The following GALNTL6 variants were observed in gnomAD, a reference collection of about 807,000 sequenced individuals.
The protein encoded by GALNTL6 is polypeptide N-acetylgalactosaminyltransferase-like 6.
Under a neutral mutation model 73.7 loss-of-function variants are expected in GALNTL6, and 46 were observed. The observed-to-expected ratio is 0.62, with a 90% CI of 0.49 to 0.80. The LOEUF (loss-of-function observed/expected upper bound fraction) is 0.80, where lower values mean the gene tolerates loss of function less well. Among genes scored for constraint, GALNTL6 ranks in the 30% least tolerant of loss-of-function variants. The pLI is 0.00. For missense variants in GALNTL6, 604 were observed against 755.0 expected (o/e 0.80, Z 2.34); for synonymous variants, 259 against 263.7 (o/e 0.98, Z 0.17).
intron 2 of GALNTL6, among the ~76,000 whole-genome samples, chr4:172,178,654 T>TAATCCAGTC (rs1463504945): frequency 3.8e-5 from 2 of 52,832 alleles, no homozygotes; most frequent in Non-Finnish European, 4.2e-5. Context: ...CACATTTTCT[T>TAATCCAGTC]TTTTTTTTTT....
At chr4:172,128,674 T>C (rs1733371461) in intron 2 of GALNTL6, among the ~76,000 whole-genome samples, 1 of 152,320 alleles carries the variant, frequency 6.6e-6, no homozygotes, top group South Asian at 2.1e-4. Context: ...TTCTAAATAT[T>C]TACACTTTAG....
At chr4:172,076,111 A>G (rs1579113757) in intron 2 of GALNTL6, among the ~76,000 whole-genome samples, 1 of 152,294 alleles carries the variant, frequency 6.6e-6, no homozygotes, top group East Asian at 1.9e-4. Flanking sequence ...TTCCTCTAAT[A>G]GCACCACCAT....
At chr4:172,966,375 A>C (rs1227391240) in intron 10 of GALNTL6, among the ~76,000 whole-genome samples, 4 of 151,894 alleles carry the variant, frequency 2.6e-5, no homozygotes, top group Non-Finnish European at 5.9e-5. Context: ...CCTGGGATGA[A>C]ATTTTTTAAA....
intron 2 of GALNTL6, among the ~76,000 whole-genome samples, chr4:172,009,839 A>G (rs1024754157): frequency 1.3e-5 from 2 of 152,062 alleles, no homozygotes; most frequent in Non-Finnish European, 2.9e-5. Flanking sequence ...CAGGTGTTTC[A>G]CTATTAGGGA....
In GALNTL6 at chr4:171,816,174, G is replaced by C. The variant is rs561321461; in HGVS notation, c.138+1456G>C. On this transcript the variant is annotated intron_variant, in intron 2 of 12. Coordinates refer to ENST00000506823, the MANE Select transcript of GALNTL6 (RefSeq NM_001034845.3). ...TTATGTAAAATCTCCACTCCATGCTGGTAAAACAGGAAAGGCAAAATTATT... is the reference window on the plus strand; with the variant it reads ...TTATGTAAAATCTCCACTCCATGCTCGTAAAACAGGAAAGGCAAAATTATT... The C allele has an allele frequency of 2.6e-5, 4 of 152,016 alleles. No individual in the cohort carries two copies. The East Asian group carries it at 7.7e-4, about 29-fold the overall frequency. 9.4% of individuals were successfully genotyped at this position (152,016 alleles called of 1,614,324 possible). A position where few individuals can be genotyped will look rare whatever the true frequency, so the allele number is the denominator to read the frequency against.
At position 172,567,973 on chromosome 4, in the gene GALNTL6, C is replaced by T. The variant is rs554217765; in HGVS notation, c.553+219284C>T. ...ATATCTTATTACAAAATTATTTAAA[C>T]ATTTCCTTAGTTGATATAGATAACT... On this transcript the variant is annotated intron_variant, in intron 5 of 12. Coordinates refer to ENST00000506823, the MANE Select transcript of GALNTL6 (RefSeq NM_001034845.3). 1.5e-3 allele frequency among the ~76,000 whole-genome samples: 229 copies of T among 152,284 alleles called. 1 individual carries two copies. The highest frequency in any genetic ancestry group is 5.2e-3 in the African/African-American group (217 of 41,564).
chr4:172,740,565 A>T (rs1736737599), intron 5 of GALNTL6, among the ~76,000 whole-genome samples: 2 of 152,170 alleles, frequency 1.3e-5, no homozygotes, highest in African/African-American at 4.8e-5. Flanking sequence ...ACCAAGACGC[A>T]TGCTTTCCTA....
At chr4:171,862,487 GT>G (rs1324428128) in intron 2 of GALNTL6, among the ~76,000 whole-genome samples, 14 of 151,938 alleles carry the variant, frequency 9.2e-5, no homozygotes, top group Non-Finnish European at 4.4e-5. Flanking sequence ...ATATAAAACT[GT>G]TTTTGAGAAT....
chr4:171,942,062 T>C (rs1057295227), intron 2 of GALNTL6, among the ~76,000 whole-genome samples: 22 of 152,024 alleles, frequency 1.4e-4, no homozygotes, highest in Admixed American at 2.6e-4. Flanking sequence ...GTTTATGCTA[T>C]AGCGATTTTA....
chr4:172,602,289 G>A (rs901103914), intron 5 of GALNTL6, among the ~76,000 whole-genome samples: 10 of 152,068 alleles, frequency 6.6e-5, no homozygotes, highest in Non-Finnish European at 1.2e-4. Flanking sequence ...ATAGGGAATC[G>A]TAGCTATGTG....
chr4:172,519,115 T>C lies in GALNTL6; in HGVS notation c.553+170426T>C, dbSNP rs1047392151. 3.4e-5 allele frequency among the ~76,000 whole-genome samples: 5 copies of C among 148,224 alleles called. No individual in the cohort carries two copies. The East Asian group carries it at 5.9e-4, about 18-fold the overall frequency. Reference sequence around the variant, plus strand: ...ATGTATATACACACACACACACACATACACCCACACATTGTCAACTCCTGC... The same window carrying C: ...ATGTATATACACACACACACACACACACACCCACACATTGTCAACTCCTGC... On this transcript the variant is annotated intron_variant, in intron 5 of 12. Transcript: ENST00000506823.
At chr4:172,021,867 A>G (rs1218961978) in intron 2 of GALNTL6, among the ~76,000 whole-genome samples, 1 of 152,106 alleles carries the variant, frequency 6.6e-6, no homozygotes, top group African/African-American at 2.4e-5. Context: ...ATGGTCCTAG[A>G]AAAACTGGGT....
At chr4:172,028,322 G>T (rs1252412970) in intron 2 of GALNTL6, among the ~76,000 whole-genome samples, 1 of 151,754 alleles carries the variant, frequency 6.6e-6, no homozygotes, top group East Asian at 1.9e-4. Flanking sequence ...AAAATATAAA[G>T]TTGACAGTAT....
chr4:172,776,018 G>T (rs1309334030), intron 5 of GALNTL6, among the ~76,000 whole-genome samples: 1 of 152,062 alleles, frequency 6.6e-6, no homozygotes, highest in East Asian at 1.9e-4. Context: ...TAACCCTCTA[G>T]ATGAAAATGG....
At chr4:171,968,418 A>G (rs972179294) in intron 2 of GALNTL6, among the ~76,000 whole-genome samples, 1 of 152,132 alleles carries the variant, frequency 6.6e-6, no homozygotes, top group African/African-American at 2.4e-5. Flanking sequence ...TCTTTTAAAC[A>G]CAACACCGTA....
At chr4:172,904,630 T>C (rs1213250656) in intron 8 of GALNTL6, among the ~76,000 whole-genome samples, 1 of 152,156 alleles carries the variant, frequency 6.6e-6, no homozygotes, top group Admixed American at 6.5e-5. Context: ...CCTTTGCCCC[T>C]TCCTCTCCAC....
chr4:172,910,099 A>C (rs1747119912), intron 8 of GALNTL6, among the ~76,000 whole-genome samples: 2 of 151,972 alleles, frequency 1.3e-5, no homozygotes, highest in African/African-American at 4.8e-5. Flanking sequence ...ATTTATATAT[A>C]AAACATATAT....
chr4:172,937,773 G>A (rs114366501), intron 9 of GALNTL6, among the ~76,000 whole-genome samples: 1,729 of 152,098 alleles, frequency 0.011, 28 homozygotes, highest in African/African-American at 0.04. Context: ...TGAGAAAAGG[G>A]TTAAATGAAA....
At position 172,174,958 on chromosome 4, in the gene GALNTL6, T is replaced by G. The variant is rs187326190; in HGVS notation, c.139-54698T>G. Among the ~76,000 whole-genome samples the G allele has an allele frequency of 1.3e-4, 20 of 152,368 alleles. No individual in the cohort carries two copies. The East Asian group carries it at 3.9e-3, about 29-fold the overall frequency. ...GGTACATACACAGATACTGCATATA[T>G]TTTGTTAATACTTAACACGCACTGC... is the stretch of plus-strand genomic sequence containing the variant. On this transcript the variant is annotated intron_variant, in intron 2 of 12. Transcript: ENST00000506823.
Sources: gnomAD v4.1 joint callset for allele counts (sites outside exome capture counted in the v4.1 genomes callset) on GRCh38, gnomAD v4.1.1 for gene constraint, MANE v1.5 for transcripts, NCBI Gene and HGNC (gene_info 2026-07-23, HGNC 2026-07-21) for gene names.